The following SNTG1 variants were observed in gnomAD, a reference collection of about 807,000 sequenced individuals.
The protein encoded by SNTG1 is gamma-1-syntrophin.
SNTG1 carries 39 observed loss-of-function variants against 74.7 expected under a neutral mutation model. The observed-to-expected ratio is 0.52, with a 90% CI of 0.40 to 0.68. The LOEUF is 0.68. Among genes scored for constraint, SNTG1 ranks in the 30% least tolerant of loss-of-function variants. The pLI is 0.00. For missense variants in SNTG1, 685 were observed against 609.5 expected (o/e 1.12, Z -1.30); for synonymous variants, 254 against 217.1 (o/e 1.17, Z -1.49).
At chr8:50,227,965 C>G (rs1586768247) in intron 2 of SNTG1, among the ~76,000 whole-genome samples, 1 of 142,194 alleles carries the variant, frequency 7.0e-6, no homozygotes, top group South Asian at 2.2e-4. Context: ...AAGCAAAACA[C>G]AGTCTGAAGA....
chr8:50,043,961 G>C (rs1347747433), intron 1 of SNTG1, among the ~76,000 whole-genome samples: 1 of 152,006 alleles, frequency 6.6e-6, no homozygotes, highest in Admixed American at 6.6e-5. Context: ...ACATCTCTCT[G>C]GTTTAGGGAA....
chr8:50,428,931 T>C (rs77109353), intron 4 of SNTG1, among the ~76,000 whole-genome samples: 3,802 of 152,132 alleles, frequency 0.025, 68 homozygotes, highest in South Asian at 0.08. Context: ...GGAATAAATT[T>C]AACAAAATTA....
chr8:50,330,118 G>T (rs976539158), intron 2 of SNTG1, among the ~76,000 whole-genome samples: 59 of 152,122 alleles, frequency 3.9e-4, no homozygotes, highest in African/African-American at 1.4e-3. Flanking sequence ...AAATGTGGTG[G>T]GACTCAGTTG....
At chr8:49,975,518 C>T (rs753680174) in intron 1 of SNTG1, among the ~76,000 whole-genome samples, 2 of 152,094 alleles carry the variant, frequency 1.3e-5, no homozygotes, top group Non-Finnish European at 2.9e-5. Flanking sequence ...ATGCAGTCTC[C>T]ACAATCTGAT....
intron 2 of SNTG1, among the ~76,000 whole-genome samples, chr8:50,353,004 C>G (rs1311937383): frequency 6.6e-6 from 1 of 152,122 alleles, no homozygotes; most frequent in East Asian, 1.9e-4. Context: ...TGGAACCAAC[C>G]CTAATGTCCC....
At chr8:50,471,818 A>C (rs1302729415) in intron 8 of SNTG1, among the ~76,000 whole-genome samples, 1 of 152,178 alleles carries the variant, frequency 6.6e-6, no homozygotes, top group Non-Finnish European at 1.5e-5. Flanking sequence ...GAAATCCCTA[A>C]AGAGTCCATA....
At chr8:50,414,131 G>T (rs1223676453) in intron 4 of SNTG1, among the ~76,000 whole-genome samples, 1 of 152,014 alleles carries the variant, frequency 6.6e-6, no homozygotes, top group East Asian at 1.9e-4. Flanking sequence ...TCTCACTGTG[G>T]GCTCATGGTC....
chr8:49,936,192 C>T (rs377673959), intron 1 of SNTG1, among the ~76,000 whole-genome samples: 17 of 152,146 alleles, frequency 1.1e-4, no homozygotes, highest in African/African-American at 4.1e-4. Flanking sequence ...GCATAAGGAC[C>T]CTTAACAGAG....
At chr8:50,673,369 G>A (rs1021680703) in intron 15 of SNTG1, among the ~76,000 whole-genome samples, 1 of 152,078 alleles carries the variant, frequency 6.6e-6, no homozygotes, top group Non-Finnish European at 1.5e-5. Context: ...GTGGTTTGTA[G>A]TTCTCCTTGA....
intron 15 of SNTG1, among the ~76,000 whole-genome samples, chr8:50,678,110 A>G (rs1290266909): frequency 6.6e-6 from 1 of 151,912 alleles, no homozygotes; most frequent in East Asian, 1.9e-4. Flanking sequence ...TAAAATTTAG[A>G]AAAAAAGAAA....
At chr8:50,143,235 A>G (rs1371880788) in intron 1 of SNTG1, among the ~76,000 whole-genome samples, 1 of 152,084 alleles carries the variant, frequency 6.6e-6, no homozygotes, top group Admixed American at 6.6e-5. Context: ...CATGTTTCTG[A>G]TTTCCAATAC....
chr8:50,320,532 T>C (rs562004107), intron 2 of SNTG1, among the ~76,000 whole-genome samples: 19 of 105,372 alleles, frequency 1.8e-4, no homozygotes, highest in African/African-American at 4.7e-4. Flanking sequence ...CTGATCTTTA[T>C]TATTGTTTTT....
rs372697082 is a variant in SNTG1, at chr8:49,973,450, A to C, written c.-103+61219A>C. 1.9e-4 allele frequency among the ~76,000 whole-genome samples: 29 copies of C among 152,164 alleles called. No individual in the cohort carries two copies. In the East Asian group the frequency reaches 4.5e-3, roughly 23 times the overall value. On this transcript the variant is annotated intron_variant, in intron 1 of 18. Coordinates refer to ENST00000642720, the MANE Select transcript of SNTG1 (RefSeq NM_018967.5). ...AATGGGTGCAGCACACCAACATGGC[A>C]CATGTATACATATGTAACTAACCTG...
At position 49,982,568 on chromosome 8, in the gene SNTG1, C is replaced by T. The variant is rs1237512927; in HGVS notation, c.-103+70337C>T. Among the ~76,000 whole-genome samples the T allele has an allele frequency of 3.6e-5, 5 of 137,156 alleles. No individual in the cohort carries two copies. In the East Asian group the frequency reaches 6.5e-4, roughly 18 times the overall value. 90.0% of individuals were successfully genotyped at this position (137,156 alleles called of 152,430 possible). A position where few individuals can be genotyped will look rare whatever the true frequency, so the allele number is the denominator to read the frequency against. On this transcript the variant is annotated intron_variant, in intron 1 of 18. Transcript: ENST00000642720. ...ATGAAATTCATCAGGTGCTGTGGCT[C>T]GTGTTTGTAATCCCAGCTACTCAGG...
At chr8:50,063,591 G>A (rs1192809465) in intron 1 of SNTG1, among the ~76,000 whole-genome samples, 1 of 152,066 alleles carries the variant, frequency 6.6e-6, no homozygotes, top group Non-Finnish European at 1.5e-5. Context: ...CTCTTCTTTT[G>A]TCCCTACATT....
intron 18 of SNTG1, among the ~76,000 whole-genome samples, chr8:50,778,332 G>A (rs543666606): frequency 2.0e-5 from 3 of 152,256 alleles, no homozygotes; most frequent in African/African-American, 7.2e-5. Flanking sequence ...GTGTAAAAGT[G>A]TTCCTATTCC....
intron 5 of SNTG1, among the ~76,000 whole-genome samples, chr8:50,441,011 A>C (rs549319430): frequency 6.6e-6 from 1 of 152,240 alleles, no homozygotes; most frequent in South Asian, 2.1e-4. Context: ...CATGCCCTAC[A>C]CTCTTGACAG....
chr8:50,548,221 G>A (rs1430798796), intron 11 of SNTG1, among the ~76,000 whole-genome samples: 1 of 152,170 alleles, frequency 6.6e-6, no homozygotes, highest in Non-Finnish European at 1.5e-5. Flanking sequence ...GTGACTGGAG[G>A]TCACAGTGAC....
intron 8 of SNTG1, among the ~76,000 whole-genome samples, chr8:50,498,182 T>C (rs1270458509): frequency 6.6e-6 from 1 of 151,988 alleles, no homozygotes; most frequent in African/African-American, 2.4e-5. Context: ...ATGAAATTGC[T>C]AAATTATTTT....
Sources: gnomAD v4.1 joint callset for allele counts (sites outside exome capture counted in the v4.1 genomes callset) on GRCh38, gnomAD v4.1.1 for gene constraint, MANE v1.5 for transcripts, NCBI Gene and HGNC (gene_info 2026-07-23, HGNC 2026-07-21) for gene names.